Variants in NTSR1 observed in about 807,000 individuals in gnomAD.
NTSR1 encodes the protein neurotensin receptor type 1.
Under a neutral mutation model 31.2 loss-of-function variants are expected in NTSR1, and 29 were observed. That is an observed-to-expected ratio of 0.93 (90% CI 0.69 to 1.27). The LOEUF is 1.27. Ranked by LOEUF, NTSR1 falls within the 50% of genes most tolerant of loss-of-function variation. NTSR1 has a pLI of 0.00. For missense variants in NTSR1, 697 were observed against 595.4 expected (o/e 1.17, Z -1.78); for synonymous variants, 282 against 269.9 (o/e 1.04, Z -0.44).
rs1018344884 is a variant in NTSR1, at chr20:62,759,897, G to C, written c.1008-121G>C. 6.7e-6 allele frequency: 6 copies of C among 900,564 alleles called. No individual in the cohort carries two copies. The African/African-American group carries it at 8.3e-5, about 12-fold the overall frequency. 55.8% of individuals were successfully genotyped at this position (900,564 alleles called of 1,614,324 possible). Reference sequence around the variant, plus strand: ...AATGTCCCCAAACAACCATTCTCAAGGGGTGTTTTAATTAGCGTCTGAGCC... The same window carrying C: ...AATGTCCCCAAACAACCATTCTCAACGGGTGTTTTAATTAGCGTCTGAGCC... On this transcript the variant is annotated intron_variant, in intron 3 of 3. Transcript: ENST00000370501.
chr20:62,749,198 T>C (rs911293141), intron 1 of NTSR1, among the ~76,000 whole-genome samples: 3 of 152,054 alleles, frequency 2.0e-5, no homozygotes, highest in African/African-American at 4.8e-5. Flanking sequence ...TCCCAGCACT[T>C]TGGGAGGCCG....
intron 1 of NTSR1, among the ~76,000 whole-genome samples, chr20:62,750,417 G>A (rs975462633): frequency 3.9e-5 from 6 of 152,230 alleles, no homozygotes; most frequent in East Asian, 1.9e-4. Flanking sequence ...GCGGCCGGGC[G>A]TGGTGGCTCA....
intron 1 of NTSR1, among the ~76,000 whole-genome samples, chr20:62,724,437 G>A (rs560329906): frequency 0.062 from 1,648 of 26,486 alleles, 18 homozygotes; most frequent in East Asian, 0.1. Flanking sequence ...CTCAGACAAG[G>A]TGCAGGGCAC....
At position 62,709,685 on chromosome 20, in the gene NTSR1, G is replaced by T. The variant is rs760588809; in HGVS notation, c.478G>T (p.Ala160Ser). ...ACTYATALNV[A>S]SLSVERYLAI... Reference sequence around the variant, plus strand: ...CACCTACGCCACGGCCCTCAACGTGGCCAGCCTGAGTGTGGAGCGCTACCT... The same window carrying T: ...CACCTACGCCACGGCCCTCAACGTGTCCAGCCTGAGTGTGGAGCGCTACCT... The change falls in exon 1 of 4, where the codon GCC becomes TCC. Residue 160 changes from alanine to serine, a missense_variant. By Grantham distance (99) the Ala-to-Ser change is moderately conservative. Transcript: ENST00000370501. The T allele has an allele frequency of 6.2e-6, 10 of 1,612,740 alleles. No homozygotes were observed. In the Admixed American group the frequency reaches 1.7e-4, roughly 27 times the overall value.
Position 62,745,622 on chromosome 20 carries a change from CAG to C in NTSR1, c.715-9059_715-9058del, listed in dbSNP as rs71973952. 0.099 allele frequency among the ~76,000 whole-genome samples: 15,054 copies of C among 152,194 alleles called. 1,203 individuals carry two copies. Among genetic ancestry groups the C allele is most frequent in the African/African-American group, 0.22 (9,229 of 41,464 alleles). ...AAGGAGACAGAGACACAGAAAAACA[CAG>C]AGAAAAACACAGAGACATCACAGGA... On this transcript the variant is annotated intron_variant, in intron 1 of 3. Coordinates refer to ENST00000370501, the MANE Select transcript of NTSR1 (RefSeq NM_002531.3). This position sits in a 1 kb window ranked among gnomAD's most constrained non-coding sequence, Gnocchi z 4.1.
Position 62,750,201 on chromosome 20 carries a change from A to G in NTSR1, c.715-4484A>G, listed in dbSNP as rs1989369634. 2.0e-5 allele frequency among the ~76,000 whole-genome samples: 3 copies of G among 152,366 alleles called. No homozygotes were observed. In the South Asian group the frequency reaches 6.2e-4, roughly 32 times the overall value. ...GCTAAGTGAAATAAGCCAGGCGCAG[A>G]AAGACAAATGCTGTGTGATCTCGCT... On this transcript the variant is annotated intron_variant, in intron 1 of 3. Transcript: ENST00000370501.
rs1451898880 is a variant in NTSR1 at position 62,758,367 on chromosome 20, G to A, written c.1007+11G>A. The A allele has an allele frequency of 6.2e-7, 1 of 1,612,314 alleles. No individual in the cohort carries two copies. Among genetic ancestry groups the A allele is most frequent in the Non-Finnish European group, 8.5e-7 (1 of 1,178,922 alleles). On this transcript the variant is annotated intron_variant, in intron 3 of 3. Transcript: ENST00000370501. This position sits in a 1 kb window ranked among gnomAD's most constrained non-coding sequence, Gnocchi z 4.5. ...TGAGCAGTGGACTCCGTGAGTACCG[G>A]GAACCAGGAAGTTGGGTGCTGGACA...
chr20:62,731,055 A>C (rs954930093), intron 1 of NTSR1, among the ~76,000 whole-genome samples: 2 of 152,060 alleles, frequency 1.3e-5, no homozygotes, highest in Non-Finnish European at 2.9e-5. Context: ...TGTCATTTTT[A>C]GAGCGTTTTT....
chr20:62,760,604 G>T lies in NTSR1; in HGVS notation c.*337G>T. The T allele has an allele frequency of 4.1e-6, 1 of 245,928 alleles. No individual in the cohort carries two copies. The highest frequency in any genetic ancestry group is 7.9e-6 in the Non-Finnish European group (1 of 126,198). The allele number at this position is 245,928 out of a possible 1,614,324, so 15.2% of individuals were successfully genotyped here. ...TTCTTTGTTCTCAGACTAATGGATG[G>T]TTCCAGAGAAGGAAATGAAAGGTGC... On this transcript the variant is annotated 3_prime_UTR_variant, in exon 4 of 4. Coordinates refer to ENST00000370501, the MANE Select transcript of NTSR1 (RefSeq NM_002531.3).
chr20:62,723,784 C>G (rs779725758), intron 1 of NTSR1, among the ~76,000 whole-genome samples: 2 of 152,222 alleles, frequency 1.3e-5, no homozygotes, highest in Non-Finnish European at 2.9e-5. Flanking sequence ...CCCCCAAGCA[C>G]GGGGCTTTAT....
intron 3 of NTSR1, among the ~76,000 whole-genome samples, chr20:62,759,468 G>A (rs1233146254): frequency 2.0e-5 from 3 of 152,192 alleles, no homozygotes; most frequent in Non-Finnish European, 2.9e-5. Context: ...CAGAGCCCAC[G>A]CTCCACCTAA....
intron 1 of NTSR1, among the ~76,000 whole-genome samples, chr20:62,739,007 G>A (rs1568704883): frequency 6.6e-6 from 1 of 152,186 alleles, no homozygotes; most frequent in Non-Finnish European, 1.5e-5. Flanking sequence ...TTTTACACAC[G>A]CGTGTTTTCA....
chr20:62,725,524 G>A (rs1365213637), intron 1 of NTSR1, among the ~76,000 whole-genome samples: 1 of 152,214 alleles, frequency 6.6e-6, no homozygotes, highest in East Asian at 1.9e-4. Flanking sequence ...GGGATAAGGT[G>A]GAAAGAGGTC....
chr20:62,719,069 G>C (rs980116618), intron 1 of NTSR1, among the ~76,000 whole-genome samples: 2 of 151,494 alleles, frequency 1.3e-5, no homozygotes, highest in Admixed American at 1.3e-4. Context: ...ATGGTGAATA[G>C]GAGTGATGAG....
chr20:62,740,539 C>T (rs931987924), intron 1 of NTSR1, among the ~76,000 whole-genome samples: 3 of 152,168 alleles, frequency 2.0e-5, no homozygotes, highest in Admixed American at 6.5e-5. Context: ...GCCGTGCAGG[C>T]GGGAGGGAAA....
At chr20:62,748,169 C>T (rs1427678721) in intron 1 of NTSR1, among the ~76,000 whole-genome samples, 2 of 126,542 alleles carry the variant, frequency 1.6e-5, no homozygotes, top group East Asian at 2.2e-4. Flanking sequence ...GAATGAGAAT[C>T]TGTCTCAAAA....
rs192223685 is a variant in NTSR1 at position 62,749,282 on chromosome 20, A to G, written c.715-5403A>G. Among the ~76,000 whole-genome samples the G allele has an allele frequency of 4.3e-3, 659 of 152,338 alleles. 5 individuals are homozygous for G. Among genetic ancestry groups the G allele is most frequent in the African/African-American group, 0.015 (628 of 41,580 alleles). ...CGGTGAAACCCCGTCTCTACTAAAA[A>G]TACAAAAAATTAGCCGGGTGTGGTG... On this transcript the variant is annotated intron_variant, in intron 1 of 3. Coordinates refer to ENST00000370501, the MANE Select transcript of NTSR1 (RefSeq NM_002531.3).
chr20:62,711,293 C>A lies in NTSR1; in HGVS notation c.714+1372C>A, dbSNP rs990838229. ...GCTGCTTTGCTTCTGCGGCGAGAGT[C>A]CCTCCCCTCACCAGAGGCAGAAGTA... On this transcript the variant is annotated intron_variant, in intron 1 of 3. Coordinates refer to ENST00000370501, the MANE Select transcript of NTSR1 (RefSeq NM_002531.3). The surrounding 1 kb of genome is among the most constrained non-coding windows in gnomAD (Gnocchi z 6.4). Among the ~76,000 whole-genome samples the A allele has an allele frequency of 3.3e-5, 5 of 152,170 alleles. No individual in the cohort carries two copies. Among genetic ancestry groups the A allele is most frequent in the African/African-American group, 1.2e-4 (5 of 41,444 alleles).
chr20:62,741,292 C>T lies in NTSR1; in HGVS notation c.715-13393C>T, dbSNP rs1463596966. Among the ~76,000 whole-genome samples the T allele has an allele frequency of 6.6e-6, 1 of 150,512 alleles. No homozygotes were observed. Among genetic ancestry groups the T allele is most frequent in the African/African-American group, 2.5e-5 (1 of 40,666 alleles). On this transcript the variant is annotated intron_variant, in intron 1 of 3. Transcript: ENST00000370501. The surrounding 1 kb of genome is among the most constrained non-coding windows in gnomAD (Gnocchi z 4.3). ...CAGGGGCTTCTGTTCTGCCAAGTCC[C>T]CACTCAGACAATGGCCTCTATAGCT... is the stretch of plus-strand genomic sequence containing the variant.
Sources: gnomAD v4.1 joint callset for allele counts (sites outside exome capture counted in the v4.1 genomes callset) on GRCh38, gnomAD v4.1.1 for gene constraint, Gnocchi (gnomAD v3.1) non-coding constraint, MANE v1.5 for transcripts, NCBI Gene and HGNC (gene_info 2026-07-23, HGNC 2026-07-21) for gene names.